BNC2: variants seen among roughly 807,000 people sequenced by gnomAD.
BNC2 encodes the protein basonuclin zinc finger protein 2.
BNC2 carries 20 observed loss-of-function variants against 76.3 expected under a neutral mutation model. The ratio of observed to expected loss-of-function variants is 0.26; its 90% CI spans 0.18 to 0.38. BNC2 has a LOEUF of 0.38. BNC2 is among the 10% of genes least tolerant of loss of function. BNC2 has a pLI of 1.00. For missense variants in BNC2, 1,382 were observed against 1,399.8 expected (o/e 0.99, Z 0.20); for synonymous variants, 582 against 514.8 (o/e 1.13, Z -1.77).
intron 1 of BNC2, among the ~76,000 whole-genome samples, chr9:16,812,247 G>C (rs1267992126): frequency 1.3e-5 from 2 of 152,210 alleles, no homozygotes; most frequent in African/African-American, 2.4e-5. Context: ...TTGGAGGTTG[G>C]TGGTGCTTGC....
chr9:16,499,864 T>C (rs1822482364), intron 5 of BNC2, among the ~76,000 whole-genome samples: 1 of 151,988 alleles, frequency 6.6e-6, no homozygotes, highest in African/African-American at 2.4e-5. Context: ...TTCTAATTGG[T>C]TCTCCTGGCT....
intron 3 of BNC2, among the ~76,000 whole-genome samples, chr9:16,606,627 A>G (rs1301235940): frequency 1.3e-5 from 2 of 151,614 alleles, no homozygotes; most frequent in Non-Finnish European, 2.9e-5. Flanking sequence ...CCACCCCACA[A>G]CGTTCAAGCA....
intron 3 of BNC2, among the ~76,000 whole-genome samples, chr9:16,722,410 A>C (rs920047625): frequency 1.1e-4 from 16 of 152,288 alleles, no homozygotes; most frequent in African/African-American, 2.2e-4. Flanking sequence ...GATTTCCATA[A>C]AGCTATGCAT....
At chr9:16,826,160 C>T (rs529974843) in intron 1 of BNC2, among the ~76,000 whole-genome samples, 1 of 152,144 alleles carries the variant, frequency 6.6e-6, no homozygotes, top group South Asian at 2.1e-4. Context: ...TTTTTAAAAG[C>T]TAGTCACTGG....
intron 3 of BNC2, among the ~76,000 whole-genome samples, chr9:16,621,531 C>T (rs1473868063): frequency 4.6e-5 from 7 of 152,142 alleles, no homozygotes; most frequent in South Asian, 4.1e-4. Context: ...TCTATTATAA[C>T]GACTTATATA....
intron 3 of BNC2, among the ~76,000 whole-genome samples, chr9:16,601,588 G>A (rs1195294613): frequency 6.6e-6 from 1 of 152,144 alleles, no homozygotes; most frequent in East Asian, 1.9e-4. Context: ...GCCAACTGTT[G>A]AAGCAAGATC....
chr9:16,445,511 A>G (rs1414167755), intron 5 of BNC2, among the ~76,000 whole-genome samples: 1 of 152,068 alleles, frequency 6.6e-6, no homozygotes, highest in Non-Finnish European at 1.5e-5. Flanking sequence ...TTTTAAATCA[A>G]CATTTGTTTT....
At chr9:16,714,479 C>T (rs1823941882) in intron 3 of BNC2, among the ~76,000 whole-genome samples, 1 of 152,188 alleles carries the variant, frequency 6.6e-6, no homozygotes, top group African/African-American at 2.4e-5. Context: ...CATTCTGACA[C>T]ATTTATAGAT....
intron 5 of BNC2, among the ~76,000 whole-genome samples, chr9:16,502,555 C>T (rs1024855187): frequency 1.3e-5 from 2 of 149,612 alleles, no homozygotes; most frequent in Admixed American, 1.3e-4. Context: ...TCTTTTTTCC[C>T]CCCCTCTTAC....
chr9:16,654,702 A>G (rs1045775989), intron 3 of BNC2, among the ~76,000 whole-genome samples: 4 of 152,076 alleles, frequency 2.6e-5, no homozygotes, highest in African/African-American at 9.7e-5. Flanking sequence ...TTTTTTACCC[A>G]TCCCCCATGC....
At chr9:16,575,379 C>T (rs1251658141) in intron 4 of BNC2, 4 of 985,300 alleles carry the variant, frequency 4.1e-6, no homozygotes, top group Non-Finnish European at 3.6e-6. Context: ...TTGCCAGCCT[C>T]ACTTTATGTT....
intron 4 of BNC2, among the ~76,000 whole-genome samples, chr9:16,559,054 C>G (rs951232502): frequency 6.6e-6 from 1 of 151,682 alleles, no homozygotes; most frequent in African/African-American, 2.4e-5. Context: ...GTATTCTAAA[C>G]AATTTCACAT....
intron 4 of BNC2, among the ~76,000 whole-genome samples, chr9:16,576,664 A>G (rs1448685071): frequency 6.6e-6 from 1 of 152,214 alleles, no homozygotes; most frequent in Non-Finnish European, 1.5e-5. Flanking sequence ...CATGCCTCCA[A>G]CGAACTTGAG....
intron 6 of BNC2, among the ~76,000 whole-genome samples, chr9:16,430,277 G>A (rs1334846352): frequency 6.6e-6 from 1 of 152,092 alleles, no homozygotes; most frequent in Admixed American, 6.6e-5. Flanking sequence ...TAGAAATGGA[G>A]ACTTGTAGTT....
intron 5 of BNC2, among the ~76,000 whole-genome samples, chr9:16,456,590 T>C (rs1821454726): frequency 6.6e-6 from 1 of 151,624 alleles, no homozygotes; most frequent in Non-Finnish European, 1.5e-5. Flanking sequence ...GTAAAGTCAC[T>C]GGTGGCCAGC....
At chr9:16,843,600 C>G (rs1191032867) in intron 1 of BNC2, among the ~76,000 whole-genome samples, 1 of 152,254 alleles carries the variant, frequency 6.6e-6, no homozygotes, top group Non-Finnish European at 1.5e-5. Flanking sequence ...TCCTGAAGTA[C>G]TGGGATTACA....
chr9:16,591,102 C>G (rs1819918896), intron 3 of BNC2, among the ~76,000 whole-genome samples: 1 of 152,148 alleles, frequency 6.6e-6, no homozygotes, highest in African/African-American at 2.4e-5. Flanking sequence ...CAGCAAATAT[C>G]TCCCTGTATA....
intron 5 of BNC2, among the ~76,000 whole-genome samples, chr9:16,531,251 A>G (rs940886653): frequency 1.3e-5 from 2 of 152,140 alleles, no homozygotes; most frequent in Non-Finnish European, 2.9e-5. Context: ...TACTTAAACC[A>G]AACACTCTCT....
chr9:16,507,709 G>A (rs976973035), intron 5 of BNC2, among the ~76,000 whole-genome samples: 6 of 152,122 alleles, frequency 3.9e-5, no homozygotes, highest in African/African-American at 9.7e-5. Flanking sequence ...TTACAGGTGC[G>A]AGCCACCGCG....
Sources: allele counts gnomAD v4.1 joint callset (sites outside exome capture counted in the v4.1 genomes callset), GRCh38; gene constraint gnomAD v4.1.1; transcripts MANE v1.5; gene names NCBI Gene and HGNC (gene_info 2026-07-23, HGNC 2026-07-21).